AKAP12: variants seen among roughly 807,000 people sequenced by gnomAD.
AKAP12 encodes A-kinase anchor protein 12.
Under a neutral mutation model 79.9 loss-of-function variants are expected in AKAP12, and 32 were observed. The observed-to-expected ratio is 0.40, with a 90% CI of 0.30 to 0.54. AKAP12 has a LOEUF of 0.54. Among genes scored for constraint, AKAP12 ranks in the 20% least tolerant of loss-of-function variants. The pLI is 0.48. For synonymous variants in AKAP12, 808 were observed against 857.0 expected (o/e 0.94, Z 1.00); for missense variants, 2,074 against 2,177.0 (o/e 0.95, Z 0.94).
At chr6:151,325,713 C>A in intron 3 of AKAP12, 1 of 1,487,080 alleles carries the variant, frequency 6.7e-7, no homozygotes, top group South Asian at 1.3e-5. Context: ...ACCTCCGGTT[C>A]TCCCCCATCC....
At chr6:151,337,881 C>T (rs1264795554) in intron 3 of AKAP12, among the ~76,000 whole-genome samples, 2 of 151,964 alleles carry the variant, frequency 1.3e-5, no homozygotes, top group Admixed American at 1.3e-4. Flanking sequence ...ACTAAAAATA[C>T]AAAAACTAGC....
intron 3 of AKAP12, among the ~76,000 whole-genome samples, chr6:151,348,059 A>G (rs1302592371): frequency 6.6e-6 from 1 of 152,012 alleles, no homozygotes; most frequent in Non-Finnish European, 1.5e-5. Context: ...AGGCTGAGAC[A>G]GGAGAATGGC....
At chr6:151,249,834 G>A (rs570595911) in intron 2 of AKAP12, among the ~76,000 whole-genome samples, 1 of 152,288 alleles carries the variant, frequency 6.6e-6, no homozygotes, top group South Asian at 2.1e-4. Flanking sequence ...AATTATAATA[G>A]CAAGCCCATG....
In AKAP12 at chr6:151,352,221, A is replaced by G. The variant is rs1340621763; in HGVS notation, c.3830A>G (p.Asp1277Gly). 3 of 1,614,124 alleles carry G rather than the reference A, an allele frequency of 1.9e-6. No homozygotes were observed. The highest frequency in any genetic ancestry group is 1.7e-6 in the Non-Finnish European group (2 of 1,180,030). Residue 1277 changes from aspartate (D) to glycine (G), a missense_variant, in exon 4 of 5, where the codon GAC (aspartate) becomes GGC (glycine). Around this residue, in one of 3 missense-constraint regions of AKAP12, gnomAD observed 614 missense variants for 665.6 expected, o/e 0.92. Transcript: ENST00000402676. ...CAGTATGCTGATGAGAAAACCAAAG[A>G]CGTACCATTTTTCGAAGGACTTGAG... ...ADQYADEKTKDVPFFEGLEGS... is the reference protein window; with the variant it reads ...ADQYADEKTKGVPFFEGLEGS...
At chr6:151,312,505 A>G (rs1777128179) in intron 3 of AKAP12, among the ~76,000 whole-genome samples, 2 of 151,542 alleles carry the variant, frequency 1.3e-5, no homozygotes, top group Admixed American at 6.6e-5. Flanking sequence ...AAGAATCATG[A>G]GGACGGCCGG....
chr6:151,350,869 C>T lies in AKAP12; in HGVS notation c.2478C>T (p.Ala826=). 6.2e-7 allele frequency: 1 copy of T among 1,614,040 alleles called. No individual in the cohort carries two copies. The highest frequency in any genetic ancestry group is 8.5e-7 in the Non-Finnish European group (1 of 1,180,010). The part of the protein sequence containing the change: ...KKRPDGKQEQ[A]PVEDAGPTGA... The stretch of plus-strand genomic sequence containing the variant: ...GGCCAGATGGGAAACAAGAACAAGC[C>T]CCTGTTGAAGACGCAGGGCCAACAG... The change falls in exon 4 of 5, where the codon GCC becomes GCT. Residue 826 remains alanine (A), a synonymous_variant. Coordinates refer to ENST00000402676, the MANE Select transcript of AKAP12 (RefSeq NM_005100.4). This position sits in a 1 kb window ranked among gnomAD's most constrained non-coding sequence, Gnocchi z 4.8.
At chr6:151,251,341 A>G (rs944569184) in intron 2 of AKAP12, among the ~76,000 whole-genome samples, 2 of 152,136 alleles carry the variant, frequency 1.3e-5, no homozygotes, top group Non-Finnish European at 2.9e-5. Context: ...CCTCTTGTAT[A>G]AGGCAGAGAT....
In AKAP12 at chr6:151,351,373, T is replaced by C. The variant is rs1431765516; in HGVS notation, c.2982T>C (p.Ser994=). 1.2e-6 allele frequency: 2 copies of C among 1,614,190 alleles called. No homozygotes were observed. The highest frequency in any genetic ancestry group is 2.2e-5 in the South Asian group (2 of 91,084). Reference sequence around the variant, plus strand: ...GTGCCGAAGAAGGAACCGAAGCATCTGCTGCTGAAGAGACCACAGAAATGG... The same window carrying C: ...GTGCCGAAGAAGGAACCGAAGCATCCGCTGCTGAAGAGACCACAGAAATGG... ...PLGAEEGTEA[S]AAEETTEMVS... The change falls in exon 4 of 5, where the codon TCT becomes TCC. Residue 994 remains serine (S), a synonymous_variant. Transcript: ENST00000402676. This position sits in a 1 kb window ranked among gnomAD's most constrained non-coding sequence, Gnocchi z 4.4.
intron 2 of AKAP12, among the ~76,000 whole-genome samples, chr6:151,244,047 A>G (rs1051987947): frequency 2.0e-5 from 3 of 152,116 alleles, no homozygotes; most frequent in Admixed American, 6.5e-5. Context: ...AATGCTGGAC[A>G]TTGAACAATG....
Position 151,353,037 on chromosome 6 carries a change from T to G in AKAP12, c.4646T>G (p.Leu1549Arg), listed in dbSNP as rs952629686. The change falls in exon 4 of 5, where the codon CTT (leucine) becomes CGT (arginine). Residue 1549 changes from leucine (L) to arginine (R), a missense_variant. Leu to Arg is a moderately radical substitution (Grantham distance 102). Coordinates refer to ENST00000402676, the MANE Select transcript of AKAP12 (RefSeq NM_005100.4). Reference sequence around the variant, plus strand: ...GAACTTGAGACCAAAAGCAGTAAACTTGTCCAAAACATCATCCAGACAGCC... The same window carrying G: ...GAACTTGAGACCAAAAGCAGTAAACGTGTCCAAAACATCATCCAGACAGCC... ...ILELETKSSK[L>R]VQNIIQTAVD... The G allele has an allele frequency of 1.2e-6, 2 of 1,614,056 alleles. No homozygotes were observed. The highest frequency in any genetic ancestry group is 1.1e-5 in the South Asian group (1 of 91,084).
At chr6:151,303,726 C>T (rs1776909058) in intron 2 of AKAP12, among the ~76,000 whole-genome samples, 1 of 152,176 alleles carries the variant, frequency 6.6e-6, no homozygotes, top group Non-Finnish European at 1.5e-5. Context: ...ACCTGGAATA[C>T]CCTTTAAGTC....
chr6:151,341,147 G>A (rs1160487412), intron 3 of AKAP12, among the ~76,000 whole-genome samples: 8 of 151,312 alleles, frequency 5.3e-5, no homozygotes, highest in Non-Finnish European at 1.0e-4. Flanking sequence ...CGCCTCCCTG[G>A]TTCAACCGAT....
At chr6:151,242,451 A>ATCATTGAACTTGGATG (rs2114672010) in intron 2 of AKAP12, among the ~76,000 whole-genome samples, 2 of 152,388 alleles carry the variant, frequency 1.3e-5, no homozygotes, top group South Asian at 4.1e-4. Context: ...CATCCAGAAT[A>ATCATTGAACTTGGATG]TCATTGAACT....
chr6:151,258,632 A>C (rs191749596), intron 2 of AKAP12, among the ~76,000 whole-genome samples: 1 of 151,996 alleles, frequency 6.6e-6, no homozygotes, highest in African/African-American at 2.4e-5. Context: ...CTACTAAACT[A>C]TATGTATTTT....
At chr6:151,308,805 A>G (rs555271477) in intron 3 of AKAP12, among the ~76,000 whole-genome samples, 11 of 152,264 alleles carry the variant, frequency 7.2e-5, no homozygotes, top group African/African-American at 2.6e-4. Context: ...TACAGACAGA[A>G]TCTTCGTGTT....
chr6:151,244,935 A>G (rs1162740149), intron 2 of AKAP12, among the ~76,000 whole-genome samples: 1 of 152,118 alleles, frequency 6.6e-6, no homozygotes, highest in African/African-American at 2.4e-5. Flanking sequence ...ATAAGTGGAG[A>G]TTTTCTCTTG....
In AKAP12 at chr6:151,349,983, A is replaced by G. The variant is rs769993534; in HGVS notation, c.1592A>G (p.Lys531Arg). Residue 531 changes from lysine to arginine, a missense_variant, in exon 4 of 5, where the codon AAG (lysine) becomes AGG (arginine). Coordinates refer to ENST00000402676, the MANE Select transcript of AKAP12 (RefSeq NM_005100.4). ...TSTGLKKLSG[K>R]KQKGKRGGGD... Reference sequence around the variant, plus strand: ...ACTGGCTTAAAAAAGCTTTCTGGAAAGAAACAGAAAGGGAAAAGAGGAGGA... The same window carrying G: ...ACTGGCTTAAAAAAGCTTTCTGGAAGGAAACAGAAAGGGAAAAGAGGAGGA... The G allele has an allele frequency of 1.2e-6, 2 of 1,614,122 alleles. No individual in the cohort carries two copies. The highest frequency in any genetic ancestry group is 1.7e-6 in the Non-Finnish European group (2 of 1,180,008).
intron 3 of AKAP12, among the ~76,000 whole-genome samples, chr6:151,315,260 TGGGAAGTCCC>T (rs1379307768): frequency 6.6e-6 from 1 of 152,200 alleles, no homozygotes; most frequent in Non-Finnish European, 1.5e-5. Context: ...TTCTGGAGGC[TGGGAAGTCCC>T]AGATCAAGGC....
chr6:151,263,158 C>T (rs566260278), intron 2 of AKAP12, among the ~76,000 whole-genome samples: 28 of 152,270 alleles, frequency 1.8e-4, no homozygotes, highest in African/African-American at 6.5e-4. Flanking sequence ...ACCTCAGCCT[C>T]CTGAGTAGCT....
Sources: allele counts gnomAD v4.1 joint callset (sites outside exome capture counted in the v4.1 genomes callset), GRCh38; gene constraint gnomAD v4.1.1; regional missense constraint gnomAD v4.1.1; non-coding constraint Gnocchi (gnomAD v3.1); transcripts MANE v1.5; gene names NCBI Gene and HGNC (gene_info 2026-07-23, HGNC 2026-07-21).